The following CRYL1 variants were observed in gnomAD, a reference collection of about 807,000 sequenced individuals.
CRYL1 encodes crystallin lambda 1.
In CRYL1, 29 loss-of-function variants were observed where a neutral mutation model predicts 36.6. That is an observed-to-expected ratio of 0.79 (90% CI 0.59 to 1.08). The LOEUF (loss-of-function observed/expected upper bound fraction) is 1.08, where lower values mean the gene tolerates loss of function less well. CRYL1 is among the 50% of genes least tolerant of loss of function. The pLI is 0.00. For synonymous variants in CRYL1, 152 were observed against 151.5 expected (o/e 1.00, Z -0.02); for missense variants, 411 against 407.9 (o/e 1.01, Z -0.06).
chr13:20,420,335 G>A (rs1038198169), intron 5 of CRYL1, among the ~76,000 whole-genome samples: 8 of 152,100 alleles, frequency 5.3e-5, no homozygotes, highest in African/African-American at 1.2e-4. Flanking sequence ...GAGGAGAGGC[G>A]GGTCTCCCCT....
Position 20,404,713 on chromosome 13 carries a change from G to C in CRYL1, c.768C>G (p.Ser256Arg). The stretch of plus-strand genomic sequence containing the variant: ...TCTGTAGGACATGTTTTATGCCTTC[G>C]CTGTATCTGTCGCAGTAGCTTAACA... The part of the protein sequence containing the change: ...EGMLSYCDRY[S>R]EGIKHVLQTF... The change falls in exon 7 of 8, where the codon AGC becomes AGG. Residue 256 changes from serine to arginine, a missense_variant. Physicochemically the swap from Ser to Arg is moderately radical, Grantham distance 110. Transcript: ENST00000298248. 1 of 1,613,392 alleles carries C rather than the reference G, an allele frequency of 6.2e-7. No homozygotes were observed. Among genetic ancestry groups the C allele is most frequent in the Non-Finnish European group, 8.5e-7 (1 of 1,179,356 alleles).
chr13:20,502,349 C>G (rs1361148669), intron 2 of CRYL1: 1 of 152,672 alleles, frequency 6.5e-6, no homozygotes, highest in Non-Finnish European at 1.5e-5. Flanking sequence ...CTTCCCCCTC[C>G]TCACTCAGGT....
At chr13:20,470,321 G>A (rs1365768580) in intron 3 of CRYL1, among the ~76,000 whole-genome samples, 4 of 152,160 alleles carry the variant, frequency 2.6e-5, no homozygotes, top group Non-Finnish European at 5.9e-5. Context: ...TGCTTCCCCA[G>A]AATGCAGGCA....
chr13:20,422,360 CAA>C (rs34813385), intron 5 of CRYL1, among the ~76,000 whole-genome samples: 5 of 129,896 alleles, frequency 3.8e-5, no homozygotes, highest in Non-Finnish European at 3.2e-5. Context: ...ATTCCATTTC[CAA>C]AAAAAAAAAA....
At chr13:20,427,610 G>A (rs1215177797) in intron 5 of CRYL1, among the ~76,000 whole-genome samples, 9 of 134,212 alleles carry the variant, frequency 6.7e-5, no homozygotes, top group East Asian at 2.6e-4. Flanking sequence ...TGCCACCCCC[G>A]CCCCTTTCTT....
chr13:20,453,022 T>C (rs572781448), intron 3 of CRYL1, among the ~76,000 whole-genome samples: 35 of 152,366 alleles, frequency 2.3e-4, no homozygotes, highest in African/African-American at 6.7e-4. Flanking sequence ...CGATTACTGC[T>C]GGAGACCTCA....
At chr13:20,467,506 G>A (rs1193201688) in intron 3 of CRYL1, among the ~76,000 whole-genome samples, 1 of 151,950 alleles carries the variant, frequency 6.6e-6, no homozygotes, top group Non-Finnish European at 1.5e-5. Context: ...ATATTTCATT[G>A]AAAATGCTAT....
At chr13:20,416,022 G>T (rs1010202732) in intron 5 of CRYL1, among the ~76,000 whole-genome samples, 1 of 152,308 alleles carries the variant, frequency 6.6e-6, no homozygotes, top group African/African-American at 2.4e-5. Flanking sequence ...CACAGGGCCC[G>T]GGCCGCGGCT....
chr13:20,479,488 G>A (rs928450503), intron 3 of CRYL1, among the ~76,000 whole-genome samples: 1 of 152,142 alleles, frequency 6.6e-6, no homozygotes, highest in Non-Finnish European at 1.5e-5. Flanking sequence ...GCACAGTACT[G>A]GAAGTAGCCA....
At chr13:20,487,816 C>T (rs2033430407) in intron 3 of CRYL1, among the ~76,000 whole-genome samples, 1 of 151,652 alleles carries the variant, frequency 6.6e-6, no homozygotes, top group Non-Finnish European at 1.5e-5. Context: ...AAAAACTTAA[C>T]TCATGCAGTT....
intron 3 of CRYL1, among the ~76,000 whole-genome samples, chr13:20,457,944 C>A (rs571047554): frequency 2.6e-5 from 4 of 152,114 alleles, no homozygotes; most frequent in African/African-American, 9.7e-5. Context: ...AAGGTGACCC[C>A]GGCAGAGCCT....
chr13:20,453,533 C>T (rs1485340385), intron 3 of CRYL1, among the ~76,000 whole-genome samples: 1 of 151,236 alleles, frequency 6.6e-6, no homozygotes, highest in African/African-American at 2.4e-5. Flanking sequence ...AAATGTATAG[C>T]ATTATATATT....
At position 20,432,151 on chromosome 13, in the gene CRYL1, A is replaced by G; in HGVS notation, c.584T>C (p.Leu195Pro). The G allele has an allele frequency of 1.2e-6, 2 of 1,614,176 alleles. No homozygotes were observed. Among genetic ancestry groups the G allele is most frequent in the Non-Finnish European group, 1.7e-6 (2 of 1,180,030 alleles). Residue 195 changes from leucine to proline, a missense_variant, in exon 5 of 8, where the codon CTG becomes CCG. Coordinates refer to ENST00000298248, the MANE Select transcript of CRYL1 (RefSeq NM_015974.3). ...GATGATTGCATATTGCAGGCGGTTC[A>G]GAACGAAGCCGGCCACCTCCTTCTG... ...RVQKEVAGFV[L>P]NRLQYAIISE...
intron 3 of CRYL1, among the ~76,000 whole-genome samples, chr13:20,470,288 TTCTGTTCACAGTGCA>T (rs2033026934): frequency 6.6e-6 from 1 of 152,174 alleles, no homozygotes; most frequent in South Asian, 2.1e-4. Flanking sequence ...TCAAGCACTG[TTCTGTTCACAGTGCA>T]TAGAATGTGC....
In CRYL1 at chr13:20,427,705, G is replaced by GA. The variant is rs1015595658; in HGVS notation, c.633+4396dup. 2.7e-4 allele frequency among the ~76,000 whole-genome samples: 28 copies of GA among 104,232 alleles called. 1 individual carries two copies. Among genetic ancestry groups the GA allele is most frequent in the East Asian group, 2.7e-3 (10 of 3,762 alleles). The allele number at this position is 104,232 out of a possible 152,430, so 68.4% of individuals were successfully genotyped here. A position where few individuals can be genotyped will look rare whatever the true frequency, so the allele number is the denominator to read the frequency against. ...GAGACTGAAAACGGGAAAATAAAAG[G>GA]AAAAAAAAATCAATGAGACAAAAAG... On this transcript the variant is annotated intron_variant, in intron 5 of 7. Coordinates refer to ENST00000298248, the MANE Select transcript of CRYL1 (RefSeq NM_015974.3).
Position 20,404,550 on chromosome 13 carries a change from C to CCT in CRYL1, c.846+84_846+85insAG, listed in dbSNP as rs1198245032. ...TAAAGATTCCAGCTGCAGAGGCAGG[C>CCT]CCACCCGCTGCAGAGGTGAGGGGCA... On this transcript the variant is annotated intron_variant, in intron 7 of 7. Transcript: ENST00000298248. 331 of 842,792 alleles carry CCT rather than the reference C, an allele frequency of 3.9e-4. 3 individuals carry two copies. In the East Asian group the frequency reaches 7.6e-3, roughly 19 times the overall value. 52.2% of individuals were successfully genotyped at this position (842,792 alleles called of 1,614,324 possible). A position where few individuals can be genotyped will look rare whatever the true frequency, so the allele number is the denominator to read the frequency against.
chr13:20,508,060 T>A (rs999422916), intron 2 of CRYL1, among the ~76,000 whole-genome samples: 1 of 151,336 alleles, frequency 6.6e-6, no homozygotes, highest in African/African-American at 2.4e-5. Flanking sequence ...AAACCCTGTC[T>A]CTACAAAAAA....
chr13:20,459,032 A>G (rs185879653), intron 3 of CRYL1, among the ~76,000 whole-genome samples: 1,540 of 152,194 alleles, frequency 0.01, 7 homozygotes, highest in Non-Finnish European at 0.015. Flanking sequence ...TCAGGAGATC[A>G]AGACCATCCT....
chr13:20,493,028 T>C (rs146872967), intron 2 of CRYL1, among the ~76,000 whole-genome samples: 200 of 152,314 alleles, frequency 1.3e-3, no homozygotes, highest in East Asian at 3.5e-3. Flanking sequence ...TTTTCGCCAA[T>C]GATGTAGCTG....
Sources: gnomAD v4.1 joint callset for allele counts (sites outside exome capture counted in the v4.1 genomes callset) on GRCh38, gnomAD v4.1.1 for gene constraint, MANE v1.5 for transcripts, NCBI Gene and HGNC (gene_info 2026-07-23, HGNC 2026-07-21) for gene names.